The following FSTL5 variants were observed in gnomAD, a reference collection of about 807,000 sequenced individuals.
FSTL5 encodes the protein follistatin like 5, also known as follistatin-related protein 5.
A neutral mutation model predicts 89.1 loss-of-function variants in FSTL5; 62 were observed. The ratio of observed to expected loss-of-function variants is 0.70; its 90% CI spans 0.57 to 0.86. FSTL5 has a LOEUF of 0.86. Ranked by LOEUF, FSTL5 falls within the 40% of genes least tolerant of loss-of-function variation. The pLI is 0.00. For synonymous variants in FSTL5, 383 were observed against 346.2 expected, an observed-to-expected ratio of 1.11 and a Z score of -1.18; for missense variants, 1,057 against 1,001.6, an observed-to-expected ratio of 1.06 and a Z score of -0.75.
intron 1 of FSTL5, among the ~76,000 whole-genome samples, chr4:162,160,995 G>A (rs192912649): frequency 1.8e-4 from 27 of 151,874 alleles, no homozygotes; most frequent in South Asian, 6.2e-4. Context: ...TAGTTTGATC[G>A]ATAACCCTCA....
chr4:161,892,378 T>C (rs527798398), intron 4 of FSTL5, among the ~76,000 whole-genome samples: 1 of 152,168 alleles, frequency 6.6e-6, no homozygotes, highest in South Asian at 2.1e-4. Flanking sequence ...AAATACACTA[T>C]ATTTCTATTA....
chr4:161,895,379 T>C (rs138733407), intron 4 of FSTL5, among the ~76,000 whole-genome samples: 1,584 of 152,304 alleles, frequency 0.01, 31 homozygotes, highest in African/African-American at 0.036. Flanking sequence ...ATATTTAGGA[T>C]TCACATTTAA....
intron 13 of FSTL5, among the ~76,000 whole-genome samples, chr4:161,472,540 G>C (rs1483662853): frequency 6.6e-6 from 1 of 151,714 alleles, no homozygotes; most frequent in Non-Finnish European, 1.5e-5. Context: ...TGTCCCATAA[G>C]TTTTGGTCTG....
chr4:161,543,204 A>G (rs1429811753), intron 8 of FSTL5, among the ~76,000 whole-genome samples: 2 of 152,048 alleles, frequency 1.3e-5, no homozygotes, highest in African/African-American at 2.4e-5. Flanking sequence ...TAAAATATTT[A>G]GGAATAAAGT....
chr4:161,966,124 A>G (rs1397065118), intron 3 of FSTL5, among the ~76,000 whole-genome samples: 1 of 152,134 alleles, frequency 6.6e-6, no homozygotes, highest in African/African-American at 2.4e-5. Flanking sequence ...AGAAACACAG[A>G]GTTATAGTAA....
intron 4 of FSTL5, among the ~76,000 whole-genome samples, chr4:161,829,967 ATTTT>A (rs751180498): frequency 6.6e-6 from 1 of 152,066 alleles, no homozygotes; most frequent in Non-Finnish European, 1.5e-5. Flanking sequence ...AATCAGAACC[ATTTT>A]TTGAGATGTA....
At chr4:162,061,863 C>T (rs6855540) in intron 2 of FSTL5, among the ~76,000 whole-genome samples, 135,068 of 152,094 alleles carry the variant, frequency 0.89, 60,032 homozygotes, top group Middle Eastern at 0.98. Context: ...GTTACTCCTA[C>T]ATTTATTAAG....
At chr4:161,422,919 A>G (rs1321437275) in intron 15 of FSTL5, among the ~76,000 whole-genome samples, 4 of 152,204 alleles carry the variant, frequency 2.6e-5, no homozygotes, top group Non-Finnish European at 5.9e-5. Context: ...TTTATATTAC[A>G]CTTATTACCT....
chr4:162,087,194 T>C (rs541908361), intron 2 of FSTL5, among the ~76,000 whole-genome samples: 53 of 152,164 alleles, frequency 3.5e-4, no homozygotes, highest in African/African-American at 1.3e-3. Flanking sequence ...TTTTTGAATA[T>C]GAGAATGAAA....
Position 161,988,285 on chromosome 4 carries a change from T to C in FSTL5, c.160+45340A>G, listed in dbSNP as rs192851361. 1.7e-3 allele frequency among the ~76,000 whole-genome samples: 262 copies of C among 152,136 alleles called. 7 individuals carry two copies. Among genetic ancestry groups the C allele is most frequent in the Non-Finnish European group, 4.7e-4 (32 of 67,966 alleles). On this transcript the variant is annotated intron_variant, in intron 3 of 15. Transcript: ENST00000306100. ...AAATGGGAAAATCACAGATAGGCAATGTGATGAAAGCATCTTTGTTTGTAT... is the reference window on the plus strand; with the variant it reads ...AAATGGGAAAATCACAGATAGGCAACGTGATGAAAGCATCTTTGTTTGTAT...
chr4:161,880,617 T>C (rs1266195117), intron 4 of FSTL5, among the ~76,000 whole-genome samples: 1 of 152,148 alleles, frequency 6.6e-6, no homozygotes, highest in Non-Finnish European at 1.5e-5. Context: ...GCTGTTTTAC[T>C]CCTAATTGAC....
chr4:162,089,649 AAG>A (rs570117627), intron 2 of FSTL5, among the ~76,000 whole-genome samples: 2,098 of 96,018 alleles, frequency 0.022, 75 homozygotes, highest in African/African-American at 0.05. Context: ...AAAAAAAAAA[AAG>A]AAAAAAAAGA....
At chr4:162,076,836 C>T (rs538280770) in intron 2 of FSTL5, among the ~76,000 whole-genome samples, 9 of 151,866 alleles carry the variant, frequency 5.9e-5, no homozygotes, top group South Asian at 4.1e-4. Flanking sequence ...TCAAAAAAAT[C>T]GCTTGTACAA....
At chr4:161,577,473 C>CAAAAA (rs544029134) in intron 8 of FSTL5, among the ~76,000 whole-genome samples, 1 of 110,204 alleles carries the variant, frequency 9.1e-6, no homozygotes, top group Admixed American at 1.0e-4. Flanking sequence ...AGAAAAAAGA[C>CAAAAA]AAAAAAAAAA....
At chr4:162,102,524 C>A (rs1053667839) in intron 2 of FSTL5, among the ~76,000 whole-genome samples, 4 of 147,538 alleles carry the variant, frequency 2.7e-5, no homozygotes, top group Non-Finnish European at 6.0e-5. Flanking sequence ...TTTCAAGTGA[C>A]CTGAAACACA....
intron 7 of FSTL5, among the ~76,000 whole-genome samples, chr4:161,591,880 TA>T (rs1733835867): frequency 6.6e-6 from 1 of 152,234 alleles, no homozygotes; most frequent in Admixed American, 6.5e-5. Flanking sequence ...TCAAGGAAGC[TA>T]CTAGTTCCAT....
chr4:161,405,150 T>A (rs1731325947), intron 15 of FSTL5, among the ~76,000 whole-genome samples: 1 of 151,864 alleles, frequency 6.6e-6, no homozygotes, highest in Admixed American at 6.6e-5. Context: ...GGAGAATTGC[T>A]TGAACCCGGG....
chr4:161,533,964 T>C (rs753890019), intron 10 of FSTL5, among the ~76,000 whole-genome samples: 2 of 151,822 alleles, frequency 1.3e-5, no homozygotes, highest in Non-Finnish European at 2.9e-5. Context: ...CACACAAATA[T>C]AATTAAAAAC....
intron 4 of FSTL5, among the ~76,000 whole-genome samples, chr4:161,853,944 T>C (rs543919305): frequency 6.6e-6 from 1 of 152,174 alleles, no homozygotes; most frequent in Non-Finnish European, 1.5e-5. Context: ...ACAACAAAGA[T>C]GATAATCTCT....
Sources: allele counts gnomAD v4.1 joint callset (sites outside exome capture counted in the v4.1 genomes callset), GRCh38; gene constraint gnomAD v4.1.1; transcripts MANE v1.5; gene names NCBI Gene and HGNC (gene_info 2026-07-23, HGNC 2026-07-21).